Variants in PM20D2 observed in about 807,000 individuals in gnomAD.
The protein encoded by PM20D2 is xaa-Arg dipeptidase.
PM20D2 carries 33 observed loss-of-function variants against 42.9 expected under a neutral mutation model. That is an observed-to-expected ratio of 0.77 (90% CI 0.58 to 1.03). The LOEUF is 1.03. Ranked by LOEUF, PM20D2 falls within the 50% of genes least tolerant of loss-of-function variation. The pLI, the probability that PM20D2 is intolerant of heterozygous loss-of-function variation, is 0.00. For synonymous variants in PM20D2, 250 were observed against 228.2 expected, an observed-to-expected ratio of 1.10 and a Z score of -0.86; for missense variants, 548 against 557.0, an observed-to-expected ratio of 0.98 and a Z score of 0.16.
the PM20D2 span, chr6:89,107,280 G>A: frequency 6.3e-7 from 1 of 1,583,192 alleles, no homozygotes; most frequent in African/African-American, 1.4e-5. Flanking sequence ...TAGAAATAAG[G>A]CAAAGAAATA....
At chr6:89,147,912 G>T (rs1206130073) in intron 1 of PM20D2, among the ~76,000 whole-genome samples, 1 of 150,778 alleles carries the variant, frequency 6.6e-6, no homozygotes, top group African/African-American at 2.4e-5. Flanking sequence ...AAGAGCGGCG[G>T]CTTCATGTCA....
upstream of PM20D2, among the ~76,000 whole-genome samples, chr6:89,142,826 T>C (rs982112386): frequency 3.3e-5 from 5 of 151,766 alleles, no homozygotes; most frequent in African/African-American, 7.3e-5. Flanking sequence ...CCCGGCTAAT[T>C]TTTTGTATTT....
At chr6:89,160,814 A>G (rs1360894488) in intron 5 of PM20D2, among the ~76,000 whole-genome samples, 1 of 152,224 alleles carries the variant, frequency 6.6e-6, no homozygotes, top group African/African-American at 2.4e-5. Flanking sequence ...TTGCTGAGGA[A>G]ATGATGCTTA....
chr6:89,105,230 T>A, the PM20D2 span: 1 of 1,611,442 alleles, frequency 6.2e-7, no homozygotes, highest in East Asian at 2.2e-5. Context: ...AGAACAAGGA[T>A]GACGTTCTTT....
the PM20D2 span, among the ~76,000 whole-genome samples, chr6:89,101,537 C>T: frequency 6.6e-6 from 1 of 152,014 alleles, no homozygotes; most frequent in Non-Finnish European, 1.5e-5. Context: ...GCCTGGCCAA[C>T]ATGGAGAAAC....
rs2127784236 is a variant in PM20D2, at chr6:89,164,645, CAGTT to C, written c.*2384_*2387del. On this transcript the variant is annotated 3_prime_UTR_variant, in exon 7 of 7. Transcript: ENST00000275072. ...TAATCCTTAGATTTAGGAAAGCAAT[CAGTT>C]AATGTCTTTAGCACACTAAAGCAGT... 1 of 152,460 alleles carries C rather than the reference CAGTT, an allele frequency of 6.6e-6. No homozygotes were observed. The highest frequency in any genetic ancestry group is 1.9e-4 in the East Asian group (1 of 5,190). The allele number at this position is 152,460 out of a possible 1,614,324, so 9.4% of individuals were successfully genotyped here.
chr6:89,113,335 A>AG, the PM20D2 span, among the ~76,000 whole-genome samples: 22 of 152,032 alleles, frequency 1.4e-4, no homozygotes, highest in African/African-American at 5.3e-4. Flanking sequence ...CACCACGCCC[A>AG]GCTAATTTTT....
chr6:89,143,165 T>A (rs1204512927), upstream of PM20D2, among the ~76,000 whole-genome samples: 1 of 152,246 alleles, frequency 6.6e-6, no homozygotes, highest in African/African-American at 2.4e-5. Context: ...GATTTTATTT[T>A]ATTATTTCTA....
chr6:89,105,042 T>G, the PM20D2 span: 5 of 1,361,712 alleles, frequency 3.7e-6, no homozygotes, highest in Non-Finnish European at 4.9e-6. Flanking sequence ...TGGGAAACAA[T>G]GAGACCCTAT....
At chr6:89,115,673 G>C in the PM20D2 span, among the ~76,000 whole-genome samples, 1 of 128,214 alleles carries the variant, frequency 7.8e-6, no homozygotes, top group Admixed American at 9.2e-5. Context: ...TCCTCGCTCT[G>C]TCTCCCAGGC....
chr6:89,098,460 T>A, the PM20D2 span: 304 of 1,292,880 alleles, frequency 2.4e-4, no homozygotes, highest in Admixed American at 9.2e-4. Context: ...TTCTTCCATA[T>A]GCCCAAAGTA....
At chr6:89,110,007 T>C in the PM20D2 span, among the ~76,000 whole-genome samples, 1 of 151,932 alleles carries the variant, frequency 6.6e-6, no homozygotes, top group African/African-American at 2.4e-5. Context: ...AGGAGAATGG[T>C]GTGAACCCAG....
At chr6:89,106,003 A>T in the PM20D2 span, 1 of 152,274 alleles carries the variant, frequency 6.6e-6, no homozygotes, top group Admixed American at 6.5e-5. Flanking sequence ...TTTAAATTTG[A>T]CATTTAAGAG....
At chr6:89,097,143 T>C in the PM20D2 span, 1 of 152,166 alleles carries the variant, frequency 6.6e-6, no homozygotes, top group African/African-American at 2.4e-5. Flanking sequence ...TCAAAACAAA[T>C]AGAAGCAACA....
chr6:89,161,678 G>A, intron 5 of PM20D2, 105 bp from the exon 6 acceptor site: 1 of 842,282 alleles, frequency 1.2e-6, no homozygotes, highest in African/African-American at 1.7e-5. Flanking sequence ...TCTCCAAGAA[G>A]CTCACTTCTC....
chr6:89,115,595 C>T, the PM20D2 span, among the ~76,000 whole-genome samples: 3 of 147,936 alleles, frequency 2.0e-5, no homozygotes, highest in Admixed American at 2.0e-4. Flanking sequence ...TATTTTACAG[C>T]TTTCAAATCT....
At chr6:89,136,082 C>T in the PM20D2 span, among the ~76,000 whole-genome samples, 4 of 151,198 alleles carry the variant, frequency 2.6e-5, no homozygotes, top group African/African-American at 7.4e-5. Flanking sequence ...GTGTTGCAGA[C>T]GTGACTGCAA....
At chr6:89,108,752 A>G in the PM20D2 span, among the ~76,000 whole-genome samples, 2 of 152,252 alleles carry the variant, frequency 1.3e-5, no homozygotes, top group African/African-American at 2.4e-5. Flanking sequence ...GAACACTGAT[A>G]AGAGTTCTAT....
the PM20D2 span, among the ~76,000 whole-genome samples, chr6:89,127,000 CAT>C: frequency 1.3e-5 from 2 of 152,118 alleles, no homozygotes; most frequent in African/African-American, 4.8e-5. Context: ...TGAATTAAAA[CAT>C]ATCAAATATT....
Sources: gnomAD v4.1 joint callset for allele counts (sites outside exome capture counted in the v4.1 genomes callset) on GRCh38, gnomAD v4.1.1 for gene constraint, MANE v1.5 for transcripts, NCBI Gene and HGNC (gene_info 2026-07-23, HGNC 2026-07-21) for gene names.